The following EMC3 variants were observed in gnomAD, a reference collection of about 807,000 sequenced individuals.
EMC3 encodes the protein ER membrane protein complex subunit 3.
A neutral mutation model predicts 36.6 loss-of-function variants in EMC3; 13 were observed. The observed-to-expected ratio is 0.35, with a 90% CI of 0.23 to 0.56. The LOEUF (loss-of-function observed/expected upper bound fraction) is 0.56, where lower values mean the gene tolerates loss of function less well. EMC3 is among the 20% of genes least tolerant of loss of function. EMC3 has a pLI of 0.84. For synonymous variants in EMC3, 120 were observed against 111.9 expected (o/e 1.07, Z -0.46); for missense variants, 220 against 324.5 (o/e 0.68, Z 2.47).
intron 5 of EMC3, 39 bp downstream of exon 5, chr3:9,973,589 T>C (rs377170685): frequency 1.9e-6 from 3 of 1,579,190 alleles, no homozygotes; most frequent in Non-Finnish European, 2.6e-6. Flanking sequence ...CTTCCCAAAG[T>C]GTGGTTTGTG....
intron 1 of EMC3, among the ~76,000 whole-genome samples, chr3:9,998,281 G>C (rs1258276161): frequency 6.6e-6 from 1 of 151,112 alleles, no homozygotes; most frequent in Non-Finnish European, 1.5e-5. Context: ...CAGGAGAGTG[G>C]TATGAACCCG....
At chr3:9,989,221 T>C (rs562485980), upstream of EMC3, among the ~76,000 whole-genome samples, 1 of 152,340 alleles carries the variant, frequency 6.6e-6, no homozygotes, top group South Asian at 2.1e-4. Flanking sequence ...CTGGATCTTA[T>C]GTCTCTATTA....
upstream of EMC3, chr3:9,988,358 T>G: frequency 9.3e-7 from 1 of 1,073,558 alleles, no homozygotes; most frequent in Non-Finnish European, 1.4e-6. Flanking sequence ...TTTTTTCCTC[T>G]CTGCTACTTG....
intron 5 of EMC3, among the ~76,000 whole-genome samples, chr3:9,972,614 TA>T (rs1221452511): frequency 2.0e-5 from 3 of 150,028 alleles, no homozygotes; most frequent in African/African-American, 7.4e-5. Flanking sequence ...CCATGAAAAA[TA>T]AAAAAATTAC....
rs149088853 is a variant in EMC3 at position 9,976,252 on chromosome 3, C to T, written c.307+705G>A. On this transcript the variant is annotated intron_variant, in intron 3 of 7. Coordinates refer to ENST00000245046, the MANE Select transcript of EMC3 (RefSeq NM_001394674.1). Reference sequence around the variant, plus strand: ...TCCGGGGTAGCTGGGACTACAGGCACCCACCACCACGCTAGGCTAATTTTT... The same window carrying T: ...TCCGGGGTAGCTGGGACTACAGGCATCCACCACCACGCTAGGCTAATTTTT... Among the ~76,000 whole-genome samples the T allele has an allele frequency of 3.5e-3, 537 of 152,158 alleles. 3 individuals are homozygous for T. The highest frequency in any genetic ancestry group is 6.8e-3 in the Middle Eastern group (2 of 294).
intron 7 of EMC3, chr3:9,969,244 G>T: frequency 1.2e-6 from 1 of 821,594 alleles, no homozygotes; most frequent in South Asian, 2.6e-5. Context: ...ACACGTGTGA[G>T]CCCCTGTGCC....
chr3:9,998,608 A>G (rs1007409470), intron 1 of EMC3, among the ~76,000 whole-genome samples: 31 of 151,448 alleles, frequency 2.0e-4, no homozygotes, highest in Admixed American at 2.6e-4. Flanking sequence ...TTTTTTAATT[A>G]TAATTATCCT....
intron 1 of EMC3, among the ~76,000 whole-genome samples, chr3:9,998,977 C>T (rs563826201): frequency 3.9e-5 from 6 of 152,226 alleles, no homozygotes; most frequent in Admixed American, 3.3e-4. Context: ...AGACTGGTCT[C>T]GAACTTTTGA....
At chr3:10,005,636 T>A (rs909753665) in intron 1 of EMC3, among the ~76,000 whole-genome samples, 16 of 152,302 alleles carry the variant, frequency 1.1e-4, no homozygotes, top group African/African-American at 2.9e-4. Flanking sequence ...GGAAGTGTCC[T>A]TCACTGTAAC....
chr3:9,977,293 A>G, intron 2 of EMC3, 96 bp downstream of exon 2: 1 of 1,207,982 alleles, frequency 8.3e-7, no homozygotes, highest in Non-Finnish European at 1.2e-6. Context: ...TAAGTTGCCA[A>G]CCTTTAGCTT....
rs544288398 is a variant in EMC3, at chr3:9,962,698, G to A, written c.*1371C>T. The A allele has an allele frequency of 9.2e-5, 14 of 152,610 alleles. No homozygotes were observed. The highest frequency in any genetic ancestry group is 2.4e-4 in the African/African-American group (10 of 41,502). The allele number at this position is 152,610 out of a possible 1,614,324, so 9.5% of individuals were successfully genotyped here. Reference sequence around the variant, plus strand: ...ACAGGCAAAGAAGAGAAAACAGGACGGTTTAATTTGTGGAGTCGAGTCGTT... The same window carrying A: ...ACAGGCAAAGAAGAGAAAACAGGACAGTTTAATTTGTGGAGTCGAGTCGTT... On this transcript the variant is annotated 3_prime_UTR_variant, in exon 8 of 8. Coordinates refer to ENST00000245046, the MANE Select transcript of EMC3 (RefSeq NM_001394674.1).
At chr3:9,964,492 G>C (rs144812293) in intron 7 of EMC3, among the ~76,000 whole-genome samples, 15 of 152,348 alleles carry the variant, frequency 9.8e-5, no homozygotes, top group African/African-American at 3.4e-4. Flanking sequence ...TGACTGCAAA[G>C]TCCCCAGCGC....
intron 1 of EMC3, among the ~76,000 whole-genome samples, chr3:9,998,247 TA>T (rs2086152010): frequency 6.6e-6 from 1 of 151,438 alleles, no homozygotes; most frequent in Non-Finnish European, 1.5e-5. Flanking sequence ...GCGCCTGTAG[TA>T]CCAGCTACTT....
intron 7 of EMC3, chr3:9,968,868 G>A: frequency 6.6e-6 from 1 of 151,768 alleles, no homozygotes; most frequent in Non-Finnish European, 1.5e-5. Context: ...GCCCAGGCTG[G>A]AGTGCAATGG....
intron 1 of EMC3, among the ~76,000 whole-genome samples, chr3:9,985,331 C>G (rs1325143595): frequency 6.6e-6 from 1 of 152,202 alleles, no homozygotes; most frequent in Non-Finnish European, 1.5e-5. Flanking sequence ...GGCTTACTCT[C>G]TTTATTAAAA....
upstream of EMC3, among the ~76,000 whole-genome samples, chr3:9,987,474 C>T (rs2124921955): frequency 6.6e-6 from 1 of 152,304 alleles, no homozygotes; most frequent in Admixed American, 6.5e-5. Context: ...CCCTCACCCC[C>T]TTCCCGATGA....
intron 7 of EMC3, 86 bp downstream of exon 7, chr3:9,969,633 C>G: frequency 1.2e-6 from 2 of 1,600,982 alleles, no homozygotes; most frequent in East Asian, 4.5e-5. Context: ...CCACACAACA[C>G]TCCCTTCAAG....
chr3:9,990,536 G>T (rs771324531), upstream of EMC3, among the ~76,000 whole-genome samples: 1 of 151,418 alleles, frequency 6.6e-6, no homozygotes, highest in South Asian at 2.1e-4. Flanking sequence ...TTTTGAGAGA[G>T]TTTCGCTCTT....
At chr3:9,987,368 G>A, upstream of EMC3, 1 of 927,258 alleles carries the variant, frequency 1.1e-6, no homozygotes, top group Middle Eastern at 5.5e-4. Context: ...GGGGCTCCGC[G>A]CCCCAAGCCT....
Sources: gnomAD v4.1 joint callset for allele counts (sites outside exome capture counted in the v4.1 genomes callset) on GRCh38, gnomAD v4.1.1 for gene constraint, MANE v1.5 for transcripts, NCBI Gene and HGNC (gene_info 2026-07-23, HGNC 2026-07-21) for gene names.